Variants in COTL1 observed in about 807,000 individuals in gnomAD.
The protein encoded by COTL1 is coactosin-like protein.
COTL1 carries 15 observed loss-of-function variants against 16.5 expected under a neutral mutation model. That is an observed-to-expected ratio of 0.91 (90% CI 0.61 to 1.40). The LOEUF (loss-of-function observed/expected upper bound fraction) is 1.40. Ranked by LOEUF, COTL1 falls within the 40% of genes most tolerant of loss-of-function variation. The pLI, the probability that COTL1 is intolerant of heterozygous loss-of-function variation, is 0.00. For missense variants in COTL1, 220 were observed against 201.5 expected, an observed-to-expected ratio of 1.09 and a Z score of -0.56; for synonymous variants, 112 against 85.3, an observed-to-expected ratio of 1.31 and a Z score of -1.73.
intron 3 of COTL1, 129 bp downstream of exon 3, chr16:84,589,976 G>A: frequency 1.2e-6 from 1 of 860,724 alleles, no homozygotes; most frequent in African/African-American, 1.7e-5. Context: ...CTGGTGCAGA[G>A]ACATAGCATG....
At chr16:84,584,456 G>A (rs751119385) in intron 3 of COTL1, among the ~76,000 whole-genome samples, 1 of 152,218 alleles carries the variant, frequency 6.6e-6, no homozygotes, top group Non-Finnish European at 1.5e-5. Flanking sequence ...TCCTAGCACT[G>A]CTGTGGGCCT....
chr16:84,599,611 C>T (rs1165733885), intron 2 of COTL1, among the ~76,000 whole-genome samples: 1 of 152,122 alleles, frequency 6.6e-6, no homozygotes, highest in Non-Finnish European at 1.5e-5. Context: ...TTCAGAATTT[C>T]CACCCAACAC....
At chr16:84,577,663 C>A (rs574225809) in intron 3 of COTL1, among the ~76,000 whole-genome samples, 25 of 152,216 alleles carry the variant, frequency 1.6e-4, no homozygotes, top group Non-Finnish European at 3.7e-4. Flanking sequence ...GTCAAACCCT[C>A]GTAGCTCAGG....
At chr16:84,591,823 C>CAAATA (rs11273175) in intron 2 of COTL1, among the ~76,000 whole-genome samples, 43,292 of 119,176 alleles carry the variant, frequency 0.36, 9,315 homozygotes, top group South Asian at 0.5. Context: ...GACCCTGTCT[C>CAAATA]AAATAAAATA....
intron 3 of COTL1, among the ~76,000 whole-genome samples, chr16:84,572,511 C>T (rs1172654984): frequency 1.3e-5 from 2 of 152,136 alleles, no homozygotes; most frequent in East Asian, 1.9e-4. Context: ...CCCAAGCTGG[C>T]GTGCAGTGGT....
At position 84,590,801 on chromosome 16, in the gene COTL1, C is replaced by T. The variant is rs1345836188; in HGVS notation, c.161-539G>A. Among the ~76,000 whole-genome samples, 2 of 152,096 alleles carry T rather than the reference C, an allele frequency of 1.3e-5. No homozygotes were observed. Among genetic ancestry groups the T allele is most frequent in the African/African-American group, 2.4e-5 (1 of 41,380 alleles). ...TCAACTCTTTTTGCCTCAATCTTTG[C>T]AGTTTGGAATGAGACTCTACACTGT... is the stretch of plus-strand genomic sequence containing the variant. On this transcript the variant is annotated intron_variant, in intron 2 of 3. Transcript: ENST00000262428. This position sits in a 1 kb window ranked among gnomAD's most constrained non-coding sequence, Gnocchi z 5.5.
chr16:84,598,417 T>G (rs1905048184), intron 2 of COTL1, among the ~76,000 whole-genome samples: 2 of 152,150 alleles, frequency 1.3e-5, no homozygotes, highest in East Asian at 3.9e-4. Context: ...CAAGGTTCTC[T>G]GCCTTCATTT....
At chr16:84,571,517 C>A (rs369285775) in intron 3 of COTL1, among the ~76,000 whole-genome samples, 3 of 152,204 alleles carry the variant, frequency 2.0e-5, no homozygotes, top group African/African-American at 4.8e-5. Flanking sequence ...ATCTCTCCCC[C>A]CTGCCCATCA....
At chr16:84,575,104 C>A (rs147493876) in intron 3 of COTL1, among the ~76,000 whole-genome samples, 1 of 151,972 alleles carries the variant, frequency 6.6e-6, no homozygotes, top group Non-Finnish European at 1.5e-5. Context: ...GTGGTGCAAT[C>A]TCAGTTCACT....
chr16:84,597,210 A>G (rs1905023753), intron 2 of COTL1, among the ~76,000 whole-genome samples: 1 of 152,160 alleles, frequency 6.6e-6, no homozygotes, highest in African/African-American at 2.4e-5. Context: ...GGAGAGATGG[A>G]AGACAGTGAA....
intron 2 of COTL1, among the ~76,000 whole-genome samples, chr16:84,608,557 T>C (rs1354288282): frequency 2.0e-5 from 3 of 152,236 alleles, no homozygotes; most frequent in Admixed American, 6.5e-5. Context: ...GGAGACTGGA[T>C]AGTGCAGAAA....
At chr16:84,578,624 C>G (rs1904504991) in intron 3 of COTL1, among the ~76,000 whole-genome samples, 1 of 151,804 alleles carries the variant, frequency 6.6e-6, no homozygotes, top group Admixed American at 6.6e-5. Flanking sequence ...CACACCAACA[C>G]ACACACACGC....
chr16:84,606,212 G>A (rs1287884375), intron 2 of COTL1, among the ~76,000 whole-genome samples: 1 of 152,252 alleles, frequency 6.6e-6, no homozygotes, highest in African/African-American at 2.4e-5. Flanking sequence ...AAGTGGGAGA[G>A]GAAGGTGGCG....
At chr16:84,598,972 G>A (rs1455115244) in intron 2 of COTL1, among the ~76,000 whole-genome samples, 1 of 151,972 alleles carries the variant, frequency 6.6e-6, no homozygotes, top group Non-Finnish European at 1.5e-5. Flanking sequence ...GGGGGGTAAA[G>A]GCAAGAATTA....
chr16:84,591,366 G>C (rs147767876), intron 2 of COTL1, among the ~76,000 whole-genome samples: 29,610 of 150,842 alleles, frequency 0.2, 3,157 homozygotes, highest in African/African-American at 0.29. Context: ...TGTATTTTTA[G>C]TAGAGATGGG....
At chr16:84,593,110 G>A (rs928380841) in intron 2 of COTL1, among the ~76,000 whole-genome samples, 8 of 152,250 alleles carry the variant, frequency 5.3e-5, no homozygotes, top group Admixed American at 3.3e-4. Context: ...AAGGGCTGGA[G>A]GCTCAGAGGC....
At chr16:84,587,097 C>G (rs112406567) in intron 3 of COTL1, among the ~76,000 whole-genome samples, 1,988 of 152,248 alleles carry the variant, frequency 0.013, 38 homozygotes, top group African/African-American at 0.046. Context: ...TTCCATCCTG[C>G]TGCCACTCGG....
intron 2 of COTL1, among the ~76,000 whole-genome samples, chr16:84,611,367 T>A: frequency 6.6e-6 from 1 of 152,238 alleles, no homozygotes; most frequent in East Asian, 1.9e-4. Flanking sequence ...TAGCCATTTT[T>A]AAACTGGTAT....
intron 3 of COTL1, chr16:84,576,442 TC>T (rs1904455770): frequency 7.2e-5 from 11 of 152,160 alleles, no homozygotes; most frequent in Admixed American, 6.6e-4. Flanking sequence ...AATTTGTTCT[TC>T]CCACGAACAC....
Sources: allele counts gnomAD v4.1 joint callset (sites outside exome capture counted in the v4.1 genomes callset), GRCh38; gene constraint gnomAD v4.1.1; non-coding constraint Gnocchi (gnomAD v3.1); transcripts MANE v1.5; gene names NCBI Gene and HGNC (gene_info 2026-07-23, HGNC 2026-07-21).